The following HS6ST3 variants were observed in gnomAD, a reference collection of about 807,000 sequenced individuals.
HS6ST3 encodes heparan-sulfate 6-O-sulfotransferase 3.
A neutral mutation model predicts 36.7 loss-of-function variants in HS6ST3; 12 were observed. The observed-to-expected ratio is 0.33, with a 90% confidence interval of 0.21 to 0.53. HS6ST3 has a LOEUF of 0.53. Among genes scored for constraint, HS6ST3 ranks in the 20% least tolerant of loss-of-function variants. The pLI, the probability that HS6ST3 is intolerant of heterozygous loss-of-function variation, is 0.95. For missense variants in HS6ST3, 584 were observed against 640.9 expected (o/e 0.91, Z 0.96); for synonymous variants, 240 against 257.5 (o/e 0.93, Z 0.65).
chr13:96,260,236 TTCCTTC>T (rs2054657579), intron 1 of HS6ST3, among the ~76,000 whole-genome samples: 1 of 30,122 alleles, frequency 3.3e-5, no homozygotes, highest in Non-Finnish European at 8.4e-5. Flanking sequence ...TTTCCCTTCC[TTCCTTC>T]CTTCCTTCCT....
chr13:96,249,232 C>T (rs1238019227), intron 1 of HS6ST3, among the ~76,000 whole-genome samples: 1 of 152,122 alleles, frequency 6.6e-6, no homozygotes, highest in East Asian at 1.9e-4. Context: ...TCAAATATAA[C>T]ATAGTAGGGA....
intron 1 of HS6ST3, among the ~76,000 whole-genome samples, chr13:96,391,139 C>T (rs1189547066): frequency 1.3e-5 from 2 of 152,148 alleles, no homozygotes; most frequent in African/African-American, 4.8e-5. Context: ...TGGCAAATAC[C>T]TTCATCTTCA....
At chr13:96,487,629 A>G (rs7328915) in intron 1 of HS6ST3, among the ~76,000 whole-genome samples, 2,395 of 152,240 alleles carry the variant, frequency 0.016, 71 homozygotes, top group African/African-American at 0.054. Flanking sequence ...AATATTATAC[A>G]TACAAGGACA....
intron 1 of HS6ST3, among the ~76,000 whole-genome samples, chr13:96,800,235 A>G (rs916626050): frequency 7.3e-5 from 11 of 151,268 alleles, no homozygotes; most frequent in African/African-American, 2.4e-4. Flanking sequence ...TGCTTGCTCA[A>G]TATTATGTGT....
chr13:96,330,022 T>C (rs975420701), intron 1 of HS6ST3, among the ~76,000 whole-genome samples: 10 of 150,866 alleles, frequency 6.6e-5, no homozygotes, highest in Non-Finnish European at 1.5e-4. Flanking sequence ...TTTTTTTGTT[T>C]TCCATTTGCT....
At chr13:96,113,417 C>T (rs1379808320) in intron 1 of HS6ST3, among the ~76,000 whole-genome samples, 5 of 152,092 alleles carry the variant, frequency 3.3e-5, no homozygotes, top group Non-Finnish European at 7.4e-5. Flanking sequence ...TTCTTAAAGG[C>T]ATTCAAACTG....
chr13:96,459,810 A>C (rs1381351805), intron 1 of HS6ST3, among the ~76,000 whole-genome samples: 1 of 152,172 alleles, frequency 6.6e-6, no homozygotes, highest in Non-Finnish European at 1.5e-5. Flanking sequence ...TAAAATGATA[A>C]ATTGAATAAT....
chr13:96,303,055 T>C (rs1329735464), intron 1 of HS6ST3, among the ~76,000 whole-genome samples: 1 of 152,228 alleles, frequency 6.6e-6, no homozygotes, highest in Non-Finnish European at 1.5e-5. Context: ...TGCAAAGTTC[T>C]AAAATATTTA....
chr13:96,490,563 T>C lies in HS6ST3; in HGVS notation c.708-341927T>C, dbSNP rs544745882. ...AAAGTTCATTTAAAATATTAATATG[T>C]GTATTACAGTGCTGAAAATTCTTAG... On this transcript the variant is annotated intron_variant, in intron 1 of 1. Transcript: ENST00000376705. Among the ~76,000 whole-genome samples the C allele has an allele frequency of 7.9e-5, 12 of 152,336 alleles. No individual in the cohort carries two copies. The South Asian group carries it at 2.5e-3, about 32-fold the overall frequency.
rs543838434 is a variant in HS6ST3 at position 96,240,843 on chromosome 13, G to A, written c.707+149274G>A. ...AGTGTGGTTATGCATTCCAGGCAAG[G>A]TAGTATGGAGGCTTTTTCTTAGGCA... On this transcript the variant is annotated intron_variant, in intron 1 of 1. Transcript: ENST00000376705. 2.6e-5 allele frequency among the ~76,000 whole-genome samples: 4 copies of A among 152,324 alleles called. No homozygotes were observed. The South Asian group carries it at 6.2e-4, about 24-fold the overall frequency.
intron 1 of HS6ST3, among the ~76,000 whole-genome samples, chr13:96,435,038 C>T (rs1253127001): frequency 1.3e-5 from 2 of 151,958 alleles, no homozygotes; most frequent in African/African-American, 4.8e-5. Flanking sequence ...TACTACCTAT[C>T]CTCAACCCCA....
At chr13:96,534,216 C>G (rs1351465209) in intron 1 of HS6ST3, among the ~76,000 whole-genome samples, 1 of 152,074 alleles carries the variant, frequency 6.6e-6, no homozygotes, top group African/African-American at 2.4e-5. Context: ...GGGCTGGATT[C>G]CTGTATGTCA....
chr13:96,593,603 A>G (rs1232304199), intron 1 of HS6ST3, among the ~76,000 whole-genome samples: 1 of 151,058 alleles, frequency 6.6e-6, no homozygotes, highest in Admixed American at 6.6e-5. Context: ...TGCCCACTTC[A>G]TTTTTCAGCT....
chr13:96,678,023 C>T (rs191071704), intron 1 of HS6ST3, among the ~76,000 whole-genome samples: 263 of 152,108 alleles, frequency 1.7e-3, no homozygotes, highest in Middle Eastern at 0.017. Context: ...TGTATTGACT[C>T]ATGATTCTAG....
chr13:96,620,595 C>T (rs775311556), intron 1 of HS6ST3, among the ~76,000 whole-genome samples: 4 of 152,202 alleles, frequency 2.6e-5, no homozygotes, highest in Non-Finnish European at 5.9e-5. Flanking sequence ...TCATCAGCGA[C>T]ATACATCCTC....
chr13:96,207,193 A>G (rs769301765), intron 1 of HS6ST3, among the ~76,000 whole-genome samples: 27 of 152,200 alleles, frequency 1.8e-4, no homozygotes, highest in Non-Finnish European at 3.5e-4. Context: ...TGGCCAACAA[A>G]TACGAAAAAA....
intron 1 of HS6ST3, among the ~76,000 whole-genome samples, chr13:96,103,052 C>T (rs1041428838): frequency 6.6e-6 from 1 of 151,972 alleles, no homozygotes; most frequent in Admixed American, 6.6e-5. Context: ...CCATGATTCT[C>T]TTTTTTTGAG....
chr13:96,224,206 G>A (rs1197172638), intron 1 of HS6ST3, among the ~76,000 whole-genome samples: 1 of 152,072 alleles, frequency 6.6e-6, no homozygotes, highest in South Asian at 2.1e-4. Context: ...GGTTCTTCAG[G>A]CTAATGATTG....
chr13:96,779,782 A>G (rs975568582), intron 1 of HS6ST3, among the ~76,000 whole-genome samples: 4 of 151,752 alleles, frequency 2.6e-5, no homozygotes. Context: ...AAAAAAAAAA[A>G]AAAACATTGT....
Sources: allele counts gnomAD v4.1 joint callset (sites outside exome capture counted in the v4.1 genomes callset), GRCh38; gene constraint gnomAD v4.1.1; transcripts MANE v1.5; gene names NCBI Gene and HGNC (gene_info 2026-07-23, HGNC 2026-07-21).